Variants in TGFB2 observed in about 807,000 individuals in gnomAD.
TGFB2 encodes the protein transforming growth factor beta 2.
A neutral mutation model predicts 42.7 loss-of-function variants in TGFB2; 13 were observed. The ratio of observed to expected loss-of-function variants is 0.30; its 90% confidence interval spans 0.20 to 0.48. TGFB2 has a LOEUF of 0.48. TGFB2 is among the 20% of genes least tolerant of loss of function. TGFB2 has a pLI of 0.99. For missense variants in TGFB2, 390 were observed against 517.5 expected, an observed-to-expected ratio of 0.75 and a Z score of 2.39; for synonymous variants, 193 against 193.6, an observed-to-expected ratio of 1.00 and a Z score of 0.03.
intron 2 of TGFB2, among the ~76,000 whole-genome samples, chr1:218,405,775 G>A (rs7547457): frequency 6.6e-4 from 101 of 152,212 alleles, no homozygotes; most frequent in African/African-American, 2.0e-3. Context: ...ATTCACAATC[G>A]TGATATAGGC....
chr1:218,360,656 C>A (rs540744734), intron 1 of TGFB2, among the ~76,000 whole-genome samples: 3 of 152,074 alleles, frequency 2.0e-5, no homozygotes, highest in South Asian at 4.2e-4. Context: ...GCACATGTAT[C>A]CCGGAACTTA....
intron 1 of TGFB2, among the ~76,000 whole-genome samples, chr1:218,394,306 A>G (rs74690771): frequency 6.6e-6 from 1 of 152,102 alleles, no homozygotes; most frequent in Non-Finnish European, 1.5e-5. Context: ...TGCCTGCACA[A>G]CCCTGAGCCT....
At chr1:218,367,993 G>T (rs1407264994) in intron 1 of TGFB2, among the ~76,000 whole-genome samples, 1 of 152,076 alleles carries the variant, frequency 6.6e-6, no homozygotes, top group East Asian at 1.9e-4. Context: ...AGTAGCGACA[G>T]GGTCTCACCA....
At chr1:218,371,291 G>A (rs1023544137) in intron 1 of TGFB2, among the ~76,000 whole-genome samples, 3 of 152,146 alleles carry the variant, frequency 2.0e-5, no homozygotes, top group Non-Finnish European at 4.4e-5. Context: ...ATAGAGGGGA[G>A]ACCCTGTCTC....
chr1:218,347,632 G>GC (rs984773964), intron 1 of TGFB2, among the ~76,000 whole-genome samples: 1 of 151,952 alleles, frequency 6.6e-6, no homozygotes, highest in African/African-American at 2.4e-5. Context: ...AACCTACCTG[G>GC]CCCTCAGTCC....
chr1:218,355,742 A>G (rs1449879200), intron 1 of TGFB2, among the ~76,000 whole-genome samples: 2 of 152,178 alleles, frequency 1.3e-5, no homozygotes, highest in Non-Finnish European at 2.9e-5. Flanking sequence ...GCTATTATTC[A>G]TCGAATCTCA....
intron 1 of TGFB2, 48 bp downstream of exon 1, chr1:218,347,095 G>A: frequency 6.6e-7 from 1 of 1,522,574 alleles, no homozygotes. Flanking sequence ...GCTCTGCCCG[G>A]AGCTCTCAAA....
At chr1:218,413,099 C>T (rs781621794) in intron 2 of TGFB2, among the ~76,000 whole-genome samples, 8 of 152,112 alleles carry the variant, frequency 5.3e-5, no homozygotes, top group Non-Finnish European at 1.2e-4. Flanking sequence ...AGGCTGGGCG[C>T]GGTGGCTCAC....
Position 218,411,818 on chromosome 1 carries a change from T to C in TGFB2, c.510+6486T>C, listed in dbSNP as rs534438413. Among the ~76,000 whole-genome samples, 31 of 145,940 alleles carry C rather than the reference T, an allele frequency of 2.1e-4. No individual in the cohort carries two copies. The South Asian group carries it at 6.5e-3, about 31-fold the overall frequency. ...AGGTGGAGGTTGCAGTGAGCAGAGA[T>C]TGCACCACTGCACTCCAGCCTGGGC... On this transcript the variant is annotated intron_variant, in intron 2 of 6. Coordinates refer to ENST00000366930, the MANE Select transcript of TGFB2 (RefSeq NM_003238.6).
At chr1:218,413,205 C>T (rs531452079) in intron 2 of TGFB2, among the ~76,000 whole-genome samples, 18 of 152,284 alleles carry the variant, frequency 1.2e-4, no homozygotes, top group African/African-American at 3.4e-4. Context: ...AAATCCATCT[C>T]TACTAAAAAA....
At chr1:218,404,618 C>T (rs952935383) in intron 1 of TGFB2, among the ~76,000 whole-genome samples, 1 of 152,078 alleles carries the variant, frequency 6.6e-6, no homozygotes, top group Non-Finnish European at 1.5e-5. Flanking sequence ...TTCAAATTTC[C>T]TCATCATAAC....
intron 2 of TGFB2, among the ~76,000 whole-genome samples, chr1:218,409,199 C>T (rs1028449130): frequency 2.0e-5 from 3 of 152,174 alleles, no homozygotes; most frequent in Non-Finnish European, 2.9e-5. Flanking sequence ...TCCTGCTGTG[C>T]GGCCCGGCTC....
At chr1:218,407,660 T>C (rs533947827) in intron 2 of TGFB2, among the ~76,000 whole-genome samples, 1 of 152,330 alleles carries the variant, frequency 6.6e-6, no homozygotes, top group Admixed American at 6.5e-5. Flanking sequence ...TATATTCTTT[T>C]CCATTTCACA....
rs73110379 is a variant in TGFB2, at chr1:218,399,257, C to T, written c.347-5912C>T. On this transcript the variant is annotated intron_variant, in intron 1 of 6. Coordinates refer to ENST00000366930, the MANE Select transcript of TGFB2 (RefSeq NM_003238.6). ...AGAGTTCCTATATACCCTTCAACAG[C>T]TTCTCCTAATGATGATCACAACTGT... 3.7e-3 allele frequency among the ~76,000 whole-genome samples: 561 copies of T among 152,292 alleles called. 3 individuals are homozygous for T. The highest frequency in any genetic ancestry group is 0.013 in the African/African-American group (550 of 41,556).
chr1:218,409,171 G>A (rs1453950077), intron 2 of TGFB2, among the ~76,000 whole-genome samples: 2 of 152,210 alleles, frequency 1.3e-5, no homozygotes, highest in African/African-American at 2.4e-5. Flanking sequence ...AGCTTTGCTT[G>A]CTTGCCTGCT....
intron 1 of TGFB2, among the ~76,000 whole-genome samples, chr1:218,351,515 C>CT (rs913738915): frequency 6.6e-5 from 10 of 152,068 alleles, no homozygotes; most frequent in Admixed American, 1.3e-4. Flanking sequence ...AGGATTTCCT[C>CT]TTTTTTTTAC....
At chr1:218,440,867 C>T (rs1660129486) in intron 6 of TGFB2, among the ~76,000 whole-genome samples, 1 of 152,068 alleles carries the variant, frequency 6.6e-6, no homozygotes, top group Admixed American at 6.5e-5. Flanking sequence ...TTGTGGGGAC[C>T]TAGGATGTAT....
intron 6 of TGFB2, among the ~76,000 whole-genome samples, chr1:218,440,624 T>C (rs1431364625): frequency 6.6e-6 from 1 of 152,230 alleles, no homozygotes; most frequent in African/African-American, 2.4e-5. Context: ...TATGAGAGCT[T>C]TGATAAAACT....
intron 1 of TGFB2, among the ~76,000 whole-genome samples, chr1:218,355,235 C>A (rs957087045): frequency 6.6e-6 from 1 of 152,092 alleles, no homozygotes; most frequent in African/African-American, 2.4e-5. Context: ...ATTTTCCTCA[C>A]AAAAATTTTG....
Sources: allele counts gnomAD v4.1 joint callset (sites outside exome capture counted in the v4.1 genomes callset), GRCh38; gene constraint gnomAD v4.1.1; transcripts MANE v1.5; gene names NCBI Gene and HGNC (gene_info 2026-07-23, HGNC 2026-07-21).